SYN2: variants seen among roughly 807,000 people sequenced by gnomAD.
The protein encoded by SYN2 is synapsin-2.
A neutral mutation model predicts 50.9 loss-of-function variants in SYN2; 19 were observed. The ratio of observed to expected loss-of-function variants is 0.37; its 90% confidence interval spans 0.26 to 0.55. The LOEUF is 0.55. Ranked by LOEUF, SYN2 falls within the 20% of genes least tolerant of loss-of-function variation. The pLI is 0.81. For synonymous variants in SYN2, 255 were observed against 224.9 expected, an observed-to-expected ratio of 1.13 and a Z score of -1.20; for missense variants, 587 against 576.4, an observed-to-expected ratio of 1.02 and a Z score of -0.19.
chr3:12,049,528 A>ATAATAAT (rs369173807), intron 1 of SYN2, among the ~76,000 whole-genome samples: 96,802 of 131,764 alleles, frequency 0.73, 33,543 homozygotes, highest in Middle Eastern at 0.8. Flanking sequence ...CAAAAAAAAA[A>ATAATAAT]AAATAATAAA....
At chr3:12,064,179 G>C (rs1364953055) in intron 1 of SYN2, among the ~76,000 whole-genome samples, 1 of 151,878 alleles carries the variant, frequency 6.6e-6, no homozygotes. Context: ...AAGACCAGTT[G>C]AGGGGCAGTC....
At chr3:12,122,979 T>C (rs936169707) in intron 1 of SYN2, among the ~76,000 whole-genome samples, 1 of 152,036 alleles carries the variant, frequency 6.6e-6, no homozygotes, top group African/African-American at 2.4e-5. Flanking sequence ...CCAATGGCCA[T>C]ATAAACAGTA....
In SYN2 at chr3:12,191,039, G is replaced by A; in HGVS notation, c.*414G>A. 8 of 993,286 alleles carry A rather than the reference G, an allele frequency of 8.1e-6. No individual in the cohort carries two copies. The highest frequency in any genetic ancestry group is 9.6e-6 in the Non-Finnish European group (8 of 835,508). The allele number at this position is 993,286 out of a possible 1,614,324, so 61.5% of individuals were successfully genotyped here. On this transcript the variant is annotated 3_prime_UTR_variant, in exon 13 of 13. Coordinates refer to ENST00000621198, the MANE Select transcript of SYN2 (RefSeq NM_133625.6). ...GCCCCGCCCCCATTCAGTGATACCTGTTTGGGAAGTATATACTTCCCCAAA... is the reference window on the plus strand; with the variant it reads ...GCCCCGCCCCCATTCAGTGATACCTATTTGGGAAGTATATACTTCCCCAAA...
Position 12,190,871 on chromosome 3 carries a change from G to C in SYN2, c.*246G>C. The C allele has an allele frequency of 7.9e-7, 1 of 1,270,448 alleles. No homozygotes were observed. Among genetic ancestry groups the C allele is most frequent in the Non-Finnish European group, 9.9e-7 (1 of 1,009,474 alleles). The allele number at this position is 1,270,448 out of a possible 1,614,324, so 78.7% of individuals were successfully genotyped here. A position where few individuals can be genotyped will look rare whatever the true frequency, so the allele number is the denominator to read the frequency against. On this transcript the variant is annotated 3_prime_UTR_variant, in exon 13 of 13. Transcript: ENST00000621198. Reference sequence around the variant, plus strand: ...AAGAGCTGCTTCCCTGTAGTCATGAGAGCTTCCTTCTGAAGTCATCGTTCG... The same window carrying C: ...AAGAGCTGCTTCCCTGTAGTCATGACAGCTTCCTTCTGAAGTCATCGTTCG...
At chr3:12,080,606 T>G (rs1284091901) in intron 1 of SYN2, among the ~76,000 whole-genome samples, 3 of 152,160 alleles carry the variant, frequency 2.0e-5, no homozygotes. Context: ...CATGTAGTTG[T>G]GTGGTTTTGA....
chr3:12,126,210 C>G (rs1696667574), intron 1 of SYN2, among the ~76,000 whole-genome samples: 1 of 152,176 alleles, frequency 6.6e-6, no homozygotes, highest in African/African-American at 2.4e-5. Flanking sequence ...TCCCCAAATT[C>G]CAAATGATGT....
chr3:12,166,272 C>CT (rs1697793691), intron 7 of SYN2, among the ~76,000 whole-genome samples: 1 of 152,250 alleles, frequency 6.6e-6, no homozygotes, highest in South Asian at 2.1e-4. Context: ...CAGGACTCTT[C>CT]TGTCCCCTAG....
intron 1 of SYN2, among the ~76,000 whole-genome samples, chr3:12,101,283 A>G (rs1444336003): frequency 6.6e-6 from 1 of 152,190 alleles, no homozygotes; most frequent in Non-Finnish European, 1.5e-5. Flanking sequence ...TATCTATGCA[A>G]TGGAATATTA....
chr3:12,067,798 T>C (rs1695252395), intron 1 of SYN2, among the ~76,000 whole-genome samples: 1 of 152,216 alleles, frequency 6.6e-6, no homozygotes, highest in Non-Finnish European at 1.5e-5. Flanking sequence ...GGTGGGCCCA[T>C]GCCTGTAATG....
chr3:12,020,987 C>G (rs966242412), intron 1 of SYN2, among the ~76,000 whole-genome samples: 2 of 152,144 alleles, frequency 1.3e-5, no homozygotes, highest in African/African-American at 4.8e-5. Context: ...TTTTTGTATT[C>G]TCTTCTAATA....
At chr3:12,024,182 A>T (rs449605) in intron 1 of SYN2, among the ~76,000 whole-genome samples, 83,204 of 125,466 alleles carry the variant, frequency 0.66, 29,174 homozygotes, top group South Asian at 0.79. Context: ...TTTGAGACAG[A>T]GTCTCACTCT....
At chr3:12,080,252 C>T (rs755666491) in intron 1 of SYN2, among the ~76,000 whole-genome samples, 4 of 151,434 alleles carry the variant, frequency 2.6e-5, no homozygotes, top group African/African-American at 9.7e-5. Flanking sequence ...CAACAGCTCC[C>T]GGATTCATTG....
At chr3:12,187,310 C>T in intron 11 of SYN2, 59 bp from the exon 12 acceptor site, 1 of 1,471,098 alleles carries the variant, frequency 6.8e-7, no homozygotes, top group Non-Finnish European at 9.1e-7. Flanking sequence ...GGCATAAATT[C>T]TAATAAGGAA....
chr3:12,131,979 G>C lies in SYN2; in HGVS notation c.378-8672G>C, dbSNP rs186842165. On this transcript the variant is annotated intron_variant, in intron 1 of 12. Coordinates refer to ENST00000621198, the MANE Select transcript of SYN2 (RefSeq NM_133625.6). ...TAGATTGAGCCTGGTTGCTCTCTCT[G>C]ATTTTTTTCTTTTTCTTTTTCTTTT... 2.9e-3 allele frequency among the ~76,000 whole-genome samples: 427 copies of C among 149,560 alleles called. 2 individuals are homozygous for C. Among genetic ancestry groups the C allele is most frequent in the African/African-American group, 0.01 (409 of 40,782 alleles).
intron 10 of SYN2, among the ~76,000 whole-genome samples, chr3:12,182,696 G>A (rs564624869): frequency 7.0e-4 from 106 of 152,342 alleles, no homozygotes; most frequent in African/African-American, 2.4e-3. Flanking sequence ...GTTCCCAGCC[G>A]AGTCCAAAGA....
intron 1 of SYN2, among the ~76,000 whole-genome samples, chr3:12,079,447 A>G (rs996424615): frequency 2.0e-5 from 3 of 152,184 alleles, no homozygotes; most frequent in African/African-American, 7.2e-5. Flanking sequence ...TTTGTCATAA[A>G]TGGCTCTTAT....
At chr3:12,113,493 T>C (rs1337146111) in intron 1 of SYN2, among the ~76,000 whole-genome samples, 2 of 152,162 alleles carry the variant, frequency 1.3e-5, no homozygotes, top group African/African-American at 4.8e-5. Flanking sequence ...TTTTAACCAT[T>C]TTAAGGTGTA....
At chr3:12,043,704 A>G (rs1386919200) in intron 1 of SYN2, among the ~76,000 whole-genome samples, 1 of 152,176 alleles carries the variant, frequency 6.6e-6, no homozygotes, top group African/African-American at 2.4e-5. Context: ...TGGGTTGGTT[A>G]AAGAAATGCA....
rs74863249 is a variant in SYN2 at position 12,180,949 on chromosome 3, G to C, written c.1309-2363G>C. 1.9e-3 allele frequency among the ~76,000 whole-genome samples: 283 copies of C among 152,310 alleles called. 2 individuals carry two copies. The highest frequency in any genetic ancestry group is 0.014 in the Middle Eastern group (4 of 294). ...TTTAAAACGTTTTCTTGGAATCATA[G>C]TTTCACTGGATTGGAAGGAACCTTA... On this transcript the variant is annotated intron_variant, in intron 10 of 12. Transcript: ENST00000621198.
Sources: allele counts gnomAD v4.1 joint callset (sites outside exome capture counted in the v4.1 genomes callset), GRCh38; gene constraint gnomAD v4.1.1; transcripts MANE v1.5; gene names NCBI Gene and HGNC (gene_info 2026-07-23, HGNC 2026-07-21).